SIPA1L3: variants seen among roughly 807,000 people sequenced by gnomAD.
SIPA1L3 encodes signal induced proliferation associated 1 like 3, also known as signal-induced proliferation-associated 1-like protein 3.
SIPA1L3 carries 59 observed loss-of-function variants against 150.1 expected under a neutral mutation model. That is an observed-to-expected ratio of 0.39 (90% CI 0.32 to 0.49). SIPA1L3 has a LOEUF of 0.49. Among genes scored for constraint, SIPA1L3 ranks in the 20% least tolerant of loss-of-function variants. The probability of loss-of-function intolerance (pLI) is 0.86; values close to 1 mark genes in which losing one functional copy is unlikely to be tolerated. For synonymous variants in SIPA1L3, 1,070 were observed against 1,077.6 expected, an observed-to-expected ratio of 0.99 and a Z score of 0.14; for missense variants, 2,211 against 2,489.5, an observed-to-expected ratio of 0.89 and a Z score of 2.38.
chr19:38,012,514 G>T (rs748666379), intron 1 of SIPA1L3, among the ~76,000 whole-genome samples: 1 of 152,106 alleles, frequency 6.6e-6, no homozygotes, highest in African/African-American at 2.4e-5. Context: ...GGGGTGAGGG[G>T]CAGAACTGTC....
At chr19:38,172,836 G>A (rs930202478) in intron 15 of SIPA1L3, among the ~76,000 whole-genome samples, 2 of 152,088 alleles carry the variant, frequency 1.3e-5, no homozygotes, top group Non-Finnish European at 2.9e-5. Context: ...TGGGCTGGAC[G>A]TAGTGGCTCA....
At chr19:37,953,051 T>C (rs1455664645) in intron 1 of SIPA1L3, among the ~76,000 whole-genome samples, 1 of 152,106 alleles carries the variant, frequency 6.6e-6, no homozygotes, top group Non-Finnish European at 1.5e-5. Flanking sequence ...TGAAACTCCG[T>C]CTGTACTAAA....
At chr19:38,188,745 A>G (rs1600189984) in intron 16 of SIPA1L3, among the ~76,000 whole-genome samples, 1 of 150,768 alleles carries the variant, frequency 6.6e-6, no homozygotes, top group African/African-American at 2.4e-5. Context: ...ACATGGTGAA[A>G]CCCCGTCTCT....
intron 3 of SIPA1L3, among the ~76,000 whole-genome samples, chr19:38,086,549 G>A (rs984694464): frequency 6.6e-6 from 1 of 152,088 alleles, no homozygotes; most frequent in Non-Finnish European, 1.5e-5. Context: ...CAGGTGTGGT[G>A]GTGCATGTCT....
At chr19:38,196,226 G>A (rs2146055057) in intron 18 of SIPA1L3, among the ~76,000 whole-genome samples, 1 of 152,368 alleles carries the variant, frequency 6.6e-6, no homozygotes, top group African/African-American at 2.4e-5. Context: ...CTGATGCCCT[G>A]CTCAGCAATG....
intron 12 of SIPA1L3, among the ~76,000 whole-genome samples, chr19:38,145,093 AC>A (rs1293910398): frequency 6.6e-6 from 1 of 152,182 alleles, no homozygotes; most frequent in Admixed American, 6.5e-5. Flanking sequence ...CTCACCAGTA[AC>A]AAAGGTGGTG....
intron 1 of SIPA1L3, among the ~76,000 whole-genome samples, chr19:38,016,475 C>T (rs1622543): frequency 0.8 from 121,228 of 152,114 alleles, 48,997 homozygotes; most frequent in East Asian, 0.97. Flanking sequence ...AACATACACA[C>T]ATATAGGTAT....
intron 10 of SIPA1L3, among the ~76,000 whole-genome samples, chr19:38,139,687 TC>T (rs1478630442): frequency 6.6e-6 from 1 of 152,148 alleles, no homozygotes; most frequent in African/African-American, 2.4e-5. Context: ...TCTGTCTTAG[TC>T]TGTTTTGTGC....
chr19:37,919,597 G>T (rs963107388), intron 1 of SIPA1L3, among the ~76,000 whole-genome samples: 36 of 151,704 alleles, frequency 2.4e-4, no homozygotes, highest in Middle Eastern at 3.2e-3. Flanking sequence ...AGATGGGGCA[G>T]ACAAGCAGGA....
intron 9 of SIPA1L3, among the ~76,000 whole-genome samples, chr19:38,121,760 C>CAAAT (rs58855867): frequency 0.26 from 38,851 of 151,416 alleles, 7,194 homozygotes; most frequent in African/African-American, 0.53. Flanking sequence ...AATAAACAAA[C>CAAAT]AAAAAATAAA....
chr19:38,198,046 A>AG (rs1973002321), intron 18 of SIPA1L3, among the ~76,000 whole-genome samples: 1 of 152,064 alleles, frequency 6.6e-6, no homozygotes, highest in Non-Finnish European at 1.5e-5. Context: ...TCCCAGCCAT[A>AG]GGGGCCGCCT....
At chr19:38,061,512 G>A (rs562666124) in intron 2 of SIPA1L3, among the ~76,000 whole-genome samples, 1 of 152,270 alleles carries the variant, frequency 6.6e-6, no homozygotes, top group South Asian at 2.1e-4. Flanking sequence ...TTAGTGGTGA[G>A]TTGACGTGGG....
chr19:38,199,382 C>T (rs565961622), intron 19 of SIPA1L3, among the ~76,000 whole-genome samples: 1 of 152,156 alleles, frequency 6.6e-6, no homozygotes, highest in Admixed American at 6.5e-5. Flanking sequence ...ACTGACCACT[C>T]CCCCGCAACC....
At chr19:38,001,103 G>C (rs755213079) in intron 1 of SIPA1L3, among the ~76,000 whole-genome samples, 19 of 150,300 alleles carry the variant, frequency 1.3e-4, no homozygotes, top group Non-Finnish European at 2.2e-4. Context: ...TTCATAAACA[G>C]GAAAAATGTT....
intron 1 of SIPA1L3, among the ~76,000 whole-genome samples, chr19:37,920,367 C>T (rs1695438408): frequency 6.6e-6 from 1 of 152,144 alleles, no homozygotes; most frequent in Admixed American, 6.6e-5. Context: ...CTAAAAAGTC[C>T]TTATCTATAA....
chr19:38,043,555 G>A (rs552006078), intron 2 of SIPA1L3, among the ~76,000 whole-genome samples: 11 of 152,260 alleles, frequency 7.2e-5, no homozygotes, highest in Admixed American at 2.6e-4. Flanking sequence ...TCAGAATTCC[G>A]AAACACATCA....
chr19:37,974,498 A>AGT (rs965318701), intron 1 of SIPA1L3, among the ~76,000 whole-genome samples: 1 of 149,122 alleles, frequency 6.7e-6, no homozygotes, highest in African/African-American at 2.5e-5. Context: ...CCTGAACAAG[A>AGT]GTGAGACCGT....
intron 1 of SIPA1L3, among the ~76,000 whole-genome samples, chr19:38,014,544 CTT>C (rs72101453): frequency 0.24 from 28,343 of 116,542 alleles, 3,688 homozygotes; most frequent in African/African-American, 0.38. Context: ...ACACCACATT[CTT>C]TTTTTTTTTT....
chr19:38,133,921 A>T (rs925982363), intron 10 of SIPA1L3, among the ~76,000 whole-genome samples: 6 of 151,928 alleles, frequency 3.9e-5, no homozygotes, highest in African/African-American at 1.5e-4. Flanking sequence ...AGGCCAGAAG[A>T]TCACTTGAGC....
Sources: gnomAD v4.1 joint callset for allele counts (sites outside exome capture counted in the v4.1 genomes callset) on GRCh38, gnomAD v4.1.1 for gene constraint, MANE v1.5 for transcripts, NCBI Gene and HGNC (gene_info 2026-07-23, HGNC 2026-07-21) for gene names.